Variants in ADGRL2 observed in about 807,000 individuals in gnomAD.
ADGRL2 encodes calcium-independent alpha-latrotoxin receptor 2.
ADGRL2 carries 44 observed loss-of-function variants against 157.4 expected under a neutral mutation model. That is an observed-to-expected ratio of 0.28 (90% CI 0.22 to 0.36). The LOEUF is 0.36. Among genes scored for constraint, ADGRL2 ranks in the 10% least tolerant of loss-of-function variants. The pLI, the probability that ADGRL2 is intolerant of heterozygous loss-of-function variation, is 1.00. For missense variants in ADGRL2, 1,510 were observed against 1,768.9 expected (o/e 0.85, Z 2.63); for synonymous variants, 585 against 624.7 (o/e 0.94, Z 0.95).
chr1:81,987,097 T>G, intron 22 of ADGRL2, 68 bp downstream of exon 22: 1 of 1,528,180 alleles, frequency 6.5e-7, no homozygotes, highest in Non-Finnish European at 8.9e-7. Flanking sequence ...TTTGCCCTGT[T>G]TCTAAAATAT....
At chr1:81,947,777 A>G (rs1312639916) in intron 6 of ADGRL2, among the ~76,000 whole-genome samples, 1 of 152,174 alleles carries the variant, frequency 6.6e-6, no homozygotes, top group African/African-American at 2.4e-5. Context: ...AAACCTTCCA[A>G]AATTCCAGAA....
rs1159399278 is a variant in ADGRL2 at position 81,943,988 on chromosome 1, C to CT, written c.1210+221dup. Among the ~76,000 whole-genome samples, 1 of 151,948 alleles carries CT rather than the reference C, an allele frequency of 6.6e-6. No individual in the cohort carries two copies. Among genetic ancestry groups the CT allele is most frequent in the Non-Finnish European group, 1.5e-5 (1 of 67,938 alleles). ...AAGAAATTGTGGCATTATTAGTCAGCTTAAACTTTTTTCATTGCTAAAAAT... is the reference window on the plus strand; with the variant it reads ...AAGAAATTGTGGCATTATTAGTCAGCTTTAAACTTTTTTCATTGCTAAAAAT... On this transcript the variant is annotated intron_variant, in intron 6 of 23. Coordinates refer to ENST00000686636, the MANE Select transcript of ADGRL2 (RefSeq NM_001366006.2). This position sits in a 1 kb window ranked among gnomAD's most constrained non-coding sequence, Gnocchi z 5.6.
intron 1 of ADGRL2, among the ~76,000 whole-genome samples, chr1:81,747,542 C>G (rs2085339948): frequency 6.6e-6 from 1 of 151,752 alleles, no homozygotes; most frequent in African/African-American, 2.4e-5. Flanking sequence ...CCTCAGGTGA[C>G]CCACCAGCCT....
intron 6 of ADGRL2, among the ~76,000 whole-genome samples, chr1:81,946,567 A>G (rs572873347): frequency 6.6e-6 from 1 of 152,150 alleles, no homozygotes; most frequent in Non-Finnish European, 1.5e-5. Flanking sequence ...CAAATATTAT[A>G]AAGAAAATGA....
chr1:81,432,311 C>T (rs539054114), intron 1 of ADGRL2, among the ~76,000 whole-genome samples: 16 of 152,352 alleles, frequency 1.1e-4, no homozygotes, highest in African/African-American at 3.8e-4. Flanking sequence ...AACAGCCCTA[C>T]TGCTGAAGAG....
intron 1 of ADGRL2, among the ~76,000 whole-genome samples, chr1:81,728,899 CCTT>C (rs998263043): frequency 1.8e-4 from 27 of 152,154 alleles, no homozygotes; most frequent in African/African-American, 6.5e-4. Context: ...AGGTAACTGT[CCTT>C]CTTCTCCAGC....
At chr1:81,376,013 C>T (rs556607421) in intron 1 of ADGRL2, among the ~76,000 whole-genome samples, 9 of 152,134 alleles carry the variant, frequency 5.9e-5, no homozygotes, top group Non-Finnish European at 1.2e-4. Flanking sequence ...AGCATCATTA[C>T]GAAGATAGCA....
intron 3 of ADGRL2, among the ~76,000 whole-genome samples, chr1:81,917,404 A>G (rs1395237773): frequency 1.3e-5 from 2 of 152,092 alleles, no homozygotes; most frequent in Admixed American, 6.6e-5. Flanking sequence ...TATTTTCTTT[A>G]AGTATATTAT....
At chr1:81,796,739 C>G (rs774905050), upstream of ADGRL2, among the ~76,000 whole-genome samples, 3 of 152,126 alleles carry the variant, frequency 2.0e-5, no homozygotes, top group Admixed American at 1.3e-4. Flanking sequence ...TACCAAATGA[C>G]AGCTATTAAT....
intron 1 of ADGRL2, among the ~76,000 whole-genome samples, chr1:81,383,808 C>CAAAAAAAAAAAA (rs56660027): frequency 1.9e-5 from 2 of 104,374 alleles, no homozygotes; most frequent in Non-Finnish European, 3.8e-5. Context: ...ACTAAAAATA[C>CAAAAAAAAAAAA]AAAAAAAAAA....
chr1:81,825,969 T>C (rs188031358), intron 1 of ADGRL2, among the ~76,000 whole-genome samples: 1 of 152,154 alleles, frequency 6.6e-6, no homozygotes, highest in Admixed American at 6.5e-5. Flanking sequence ...TTGAAAGCAA[T>C]GGGAAGAGGA....
At chr1:81,604,341 T>G (rs1359304) in intron 3 of ADGRL2, among the ~76,000 whole-genome samples, 1 of 152,046 alleles carries the variant, frequency 6.6e-6, no homozygotes, top group East Asian at 1.9e-4. Context: ...CTGGAGCTCC[T>G]CATCCTCGTT....
At chr1:81,503,393 G>T (rs982233520) in intron 2 of ADGRL2, 1 of 1,613,686 alleles carries the variant, frequency 6.2e-7, no homozygotes, top group East Asian at 2.2e-5. Flanking sequence ...AGCAGCAGCA[G>T]CTCTCACTGT....
chr1:81,827,229 T>C (rs2091567190), intron 1 of ADGRL2, among the ~76,000 whole-genome samples: 1 of 152,192 alleles, frequency 6.6e-6, no homozygotes, highest in African/African-American at 2.4e-5. Flanking sequence ...AATTAGAATT[T>C]AGCATTTACT....
At chr1:81,585,479 A>G (rs2081007182) in intron 3 of ADGRL2, among the ~76,000 whole-genome samples, 1 of 152,174 alleles carries the variant, frequency 6.6e-6, no homozygotes, top group African/African-American at 2.4e-5. Flanking sequence ...GGAAATTATA[A>G]GTGTTTGTTC....
chr1:81,335,976 T>A (rs1661615076), intron 1 of ADGRL2, among the ~76,000 whole-genome samples: 1 of 152,220 alleles, frequency 6.6e-6, no homozygotes, highest in Admixed American at 6.5e-5. Flanking sequence ...ATTCCAAAAA[T>A]TTCCTAACAC....
intron 2 of ADGRL2, among the ~76,000 whole-genome samples, chr1:81,498,703 T>C (rs778782146): frequency 2.0e-5 from 3 of 152,116 alleles, no homozygotes; most frequent in East Asian, 1.9e-4. Context: ...ACTAGTGCTG[T>C]TTTCAGCTGG....
chr1:81,331,838 T>C (rs1450358841), intron 1 of ADGRL2, among the ~76,000 whole-genome samples: 1 of 152,156 alleles, frequency 6.6e-6, no homozygotes, highest in Non-Finnish European at 1.5e-5. Flanking sequence ...GAAGATTATA[T>C]GAGAGCATTT....
At chr1:81,734,799 C>T (rs908935412) in intron 1 of ADGRL2, among the ~76,000 whole-genome samples, 1 of 148,698 alleles carries the variant, frequency 6.7e-6, no homozygotes, top group Non-Finnish European at 1.5e-5. Context: ...TTTGGGAGGC[C>T]GAAGTGGATG....
Sources: gnomAD v4.1 joint callset for allele counts (sites outside exome capture counted in the v4.1 genomes callset) on GRCh38, gnomAD v4.1.1 for gene constraint, Gnocchi (gnomAD v3.1) non-coding constraint, MANE v1.5 for transcripts, NCBI Gene and HGNC (gene_info 2026-07-23, HGNC 2026-07-21) for gene names.